EXOC5: variants seen among roughly 807,000 people sequenced by gnomAD.
EXOC5 encodes the protein exocyst complex component 5.
EXOC5 carries 17 observed loss-of-function variants against 90.8 expected under a neutral mutation model. The observed-to-expected ratio is 0.19, with a 90% CI of 0.13 to 0.28. EXOC5 has a LOEUF of 0.28. Ranked by LOEUF, EXOC5 falls within the 10% of genes least tolerant of loss-of-function variation. EXOC5 has a pLI of 1.00. For missense variants in EXOC5, 569 were observed against 830.6 expected, an observed-to-expected ratio of 0.69 and a Z score of 3.87; for synonymous variants, 260 against 270.0, an observed-to-expected ratio of 0.96 and a Z score of 0.36.
chr14:57,218,988 T>C (rs958322362), intron 14 of EXOC5, among the ~76,000 whole-genome samples: 5 of 152,202 alleles, frequency 3.3e-5, no homozygotes, highest in African/African-American at 1.2e-4. Context: ...ACTTTGTCTA[T>C]CGGATCTTTT....
At chr14:57,227,479 G>A (rs1284280479) in intron 12 of EXOC5, among the ~76,000 whole-genome samples, 2 of 152,106 alleles carry the variant, frequency 1.3e-5, no homozygotes, top group African/African-American at 2.4e-5. Context: ...AAAAAATGCT[G>A]TTATGATGTT....
intron 1 of EXOC5, among the ~76,000 whole-genome samples, chr14:57,267,062 T>C (rs974993684): frequency 6.6e-6 from 1 of 152,130 alleles, no homozygotes. Context: ...AAAGATCTCA[T>C]ACAACTTCAT....
At chr14:57,239,297 T>C (rs953672855) in intron 5 of EXOC5, among the ~76,000 whole-genome samples, 3 of 152,150 alleles carry the variant, frequency 2.0e-5, no homozygotes, top group Non-Finnish European at 2.9e-5. Flanking sequence ...AAATCCAAAT[T>C]TAACCTCAGT....
At chr14:57,241,729 G>T (rs960022840) in intron 4 of EXOC5, among the ~76,000 whole-genome samples, 6 of 152,126 alleles carry the variant, frequency 3.9e-5, no homozygotes, top group African/African-American at 1.4e-4. Flanking sequence ...TATTCTAATA[G>T]TTATTGACAT....
rs184735248 is a variant in EXOC5 at position 57,265,225 on chromosome 14, T to C, written c.27+3397A>G. Among the ~76,000 whole-genome samples the C allele has an allele frequency of 3.3e-3, 499 of 152,074 alleles. 2 individuals carry two copies. The highest frequency in any genetic ancestry group is 0.017 in the Middle Eastern group (5 of 292). On this transcript the variant is annotated intron_variant, in intron 1 of 17. Transcript: ENST00000621441. ...CAGCCTCGTCAATTTCAGAACTTTA[T>C]CTTGAACTTAAAAGGTACTCAACAA...
intron 5 of EXOC5, among the ~76,000 whole-genome samples, chr14:57,239,257 C>T (rs1471449596): frequency 6.6e-6 from 1 of 152,138 alleles, no homozygotes; most frequent in East Asian, 1.9e-4. Flanking sequence ...CTCTCTATCC[C>T]CTACCTGGTT....
intron 15 of EXOC5, among the ~76,000 whole-genome samples, chr14:57,214,955 C>T (rs892848842): frequency 2.0e-5 from 3 of 152,066 alleles, no homozygotes; most frequent in South Asian, 4.2e-4. Context: ...ATCGGCTGGG[C>T]GCAGTGACTC....
rs1266590598 is a variant in EXOC5, at chr14:57,206,087, T to C, written c.*2522A>G. ...AATTTTAGAAAAACAATGCACAGTG[T>C]GTTAAGAGCATATTTTCAACTTCAT... is the stretch of plus-strand genomic sequence containing the variant. On this transcript the variant is annotated 3_prime_UTR_variant, in exon 18 of 18. Transcript: ENST00000621441. The C allele has an allele frequency of 1.7e-5, 7 of 423,398 alleles. No homozygotes were observed. The highest frequency in any genetic ancestry group is 2.8e-5 in the Non-Finnish European group (6 of 213,450). 26.2% of individuals were successfully genotyped at this position (423,398 alleles called of 1,614,324 possible). A position where few individuals can be genotyped will look rare whatever the true frequency, so the allele number is the denominator to read the frequency against.
chr14:57,234,537 G>GTGTGTGTA (rs1555368939), intron 7 of EXOC5, among the ~76,000 whole-genome samples: 37 of 141,176 alleles, frequency 2.6e-4, no homozygotes, highest in African/African-American at 9.0e-4. Context: ...GTGTGTGTGT[G>GTGTGTGTA]TATATATATA....
At chr14:57,234,146 T>C (rs1056779563) in intron 7 of EXOC5, 114 bp from the exon 8 acceptor site, 21 of 696,808 alleles carry the variant, frequency 3.0e-5, no homozygotes, top group African/African-American at 1.8e-4. Context: ...AAATGGCCAA[T>C]AGCAACACCT....
intron 1 of EXOC5, among the ~76,000 whole-genome samples, chr14:57,253,822 T>G (rs1175009254): frequency 6.6e-6 from 1 of 152,198 alleles, no homozygotes; most frequent in Non-Finnish European, 1.5e-5. Flanking sequence ...AAAGCATCCT[T>G]ACCTAACACC....
At chr14:57,268,186 G>T (rs1220778729) in intron 1 of EXOC5, 2 of 208,374 alleles carry the variant, frequency 9.6e-6, no homozygotes, top group Non-Finnish European at 1.9e-5. Context: ...CAAGAGTCCC[G>T]ATCTCAAGTG....
intron 4 of EXOC5, among the ~76,000 whole-genome samples, chr14:57,239,902 T>A (rs1361818675): frequency 6.6e-6 from 1 of 152,116 alleles, no homozygotes; most frequent in Admixed American, 6.5e-5. Context: ...ATTCTGTGAT[T>A]TTTTTGATGC....
intron 9 of EXOC5, 70 bp downstream of exon 9, chr14:57,233,673 C>T: frequency 1.0e-6 from 1 of 970,002 alleles, no homozygotes; most frequent in Non-Finnish European, 1.5e-6. Context: ...TTTAAAAATA[C>T]TTTTAAAATA....
chr14:57,218,852 T>C lies in EXOC5; in HGVS notation c.1526+470A>G, dbSNP rs1333208600. On this transcript the variant is annotated intron_variant, in intron 14 of 17. Coordinates refer to ENST00000621441, the MANE Select transcript of EXOC5 (RefSeq NM_006544.4). Reference sequence around the variant, plus strand: ...TCTTATTTAATTCTCAAATGCTTTATAAGTTCACATAAATTGATATGAAGA... The same window carrying C: ...TCTTATTTAATTCTCAAATGCTTTACAAGTTCACATAAATTGATATGAAGA... Among the ~76,000 whole-genome samples the C allele has an allele frequency of 7.2e-5, 11 of 152,240 alleles. No homozygotes were observed. The East Asian group carries it at 2.1e-3, about 29-fold the overall frequency.
rs773051689 is a variant in EXOC5 at position 57,268,588 on chromosome 14, G to A, written c.27+34C>T. The A allele has an allele frequency of 5.7e-6, 9 of 1,574,690 alleles. No homozygotes were observed. In the East Asian group the frequency reaches 1.2e-4, roughly 21 times the overall value. On this transcript the variant is annotated intron_variant, in intron 1 of 17. Transcript: ENST00000621441. ...CCACCCAGCTGCCTGCAAACCCCGG[G>A]CCTGCCACTCCCTGTAGAGCCGCCG...
chr14:57,240,242 C>T (rs1456410094), intron 4 of EXOC5, among the ~76,000 whole-genome samples: 1 of 146,640 alleles, frequency 6.8e-6, no homozygotes, highest in Non-Finnish European at 1.5e-5. Flanking sequence ...CAGAGTTTCA[C>T]TCTTGTGGCC....
At chr14:57,216,881 G>A (rs1035172619) in intron 15 of EXOC5, among the ~76,000 whole-genome samples, 1 of 152,060 alleles carries the variant, frequency 6.6e-6, no homozygotes, top group Admixed American at 6.6e-5. Flanking sequence ...CATCTCAGAG[G>A]TGTTTAACAC....
intron 13 of EXOC5, 104 bp from the exon 14 acceptor site, chr14:57,219,546 G>T: frequency 1.2e-6 from 1 of 849,538 alleles, no homozygotes. Flanking sequence ...TAAAATAAAT[G>T]ACACCGCTAT....
Sources: gnomAD v4.1 joint callset for allele counts (sites outside exome capture counted in the v4.1 genomes callset) on GRCh38, gnomAD v4.1.1 for gene constraint, MANE v1.5 for transcripts, NCBI Gene and HGNC (gene_info 2026-07-23, HGNC 2026-07-21) for gene names.